Variants in NID1 observed in about 807,000 individuals in gnomAD.
The protein encoded by NID1 is nidogen 1.
NID1 carries 76 observed loss-of-function variants against 130.6 expected under a neutral mutation model. That is an observed-to-expected ratio of 0.58 (90% CI 0.48 to 0.70). The LOEUF is 0.70. Among genes scored for constraint, NID1 ranks in the 30% least tolerant of loss-of-function variants. The pLI is 0.00. For synonymous variants in NID1, 665 were observed against 675.1 expected (o/e 0.98, Z 0.23); for missense variants, 1,517 against 1,664.8 (o/e 0.91, Z 1.54).
rs774164522 is a variant in NID1 at position 236,013,459 on chromosome 1, T to A, written c.2356A>T (p.Thr786Ser). ...GAAAAGCCTGGCAAGCAGGAACAGG[T>A]GTAGGAGGAGCCTCCTGTGTAGATA... ...QCIYTGGSSY[T>S]CSCLPGFSGD... Residue 786 changes from threonine (T) to serine (S), a missense_variant, in exon 11 of 20, where the codon ACC (threonine) becomes TCC (serine). By Grantham distance (58) the Thr-to-Ser change is moderately conservative. Around this residue, in one of 3 missense-constraint regions of NID1, gnomAD observed 1,329 missense variants for 1,429.2 expected, o/e 0.93. Transcript: ENST00000264187. The A allele has an allele frequency of 3.1e-6, 5 of 1,613,862 alleles. No individual in the cohort carries two copies. Among genetic ancestry groups the A allele is most frequent in the Non-Finnish European group, 3.4e-6 (4 of 1,179,994 alleles).
At chr1:235,981,938 A>T (rs1237074523) in intron 15 of NID1, among the ~76,000 whole-genome samples, 156 bp from the exon 16 acceptor site, 1 of 152,226 alleles carries the variant, frequency 6.6e-6, no homozygotes, top group African/African-American at 2.4e-5. Flanking sequence ...TATAAGATAA[A>T]CAACACTCAA....
In NID1 at chr1:235,984,843, C is replaced by T. The variant is rs530898109; in HGVS notation, c.3055+536G>A. Among the ~76,000 whole-genome samples the T allele has an allele frequency of 3.3e-5, 5 of 152,256 alleles. No individual in the cohort carries two copies. The South Asian group carries it at 1.0e-3, about 32-fold the overall frequency. On this transcript the variant is annotated intron_variant, in intron 15 of 19. Transcript: ENST00000264187. ...GCACAGAGTCATTGGTTGAAATTGG[C>T]ATCCTTAATGAGGAATTTCCTCAAT...
intron 4 of NID1, among the ~76,000 whole-genome samples, chr1:236,038,971 A>G (rs1305180939): frequency 1.2e-5 from 1 of 80,022 alleles, no homozygotes; most frequent in African/African-American, 5.9e-5. Context: ...GTGTAACTAT[A>G]TATGTAAATA....
rs551698080 is a variant in NID1 at position 236,033,468 on chromosome 1, T to C, written c.1286-816A>G. Among the ~76,000 whole-genome samples, 7 of 152,312 alleles carry C rather than the reference T, an allele frequency of 4.6e-5. No individual in the cohort carries two copies. The East Asian group carries it at 1.2e-3, about 25-fold the overall frequency. On this transcript the variant is annotated intron_variant, in intron 5 of 19. Transcript: ENST00000264187. Reference sequence around the variant, plus strand: ...CATATACAGTCCCACCACCCAGCGTTAGCACTGCCAGTCTGAGTCTTGGAG... The same window carrying C: ...CATATACAGTCCCACCACCCAGCGTCAGCACTGCCAGTCTGAGTCTTGGAG...
At chr1:235,978,951 C>T (rs1372130560) in intron 19 of NID1, 44 bp downstream of exon 19, 4 of 1,356,042 alleles carry the variant, frequency 2.9e-6, no homozygotes, top group Non-Finnish European at 4.2e-6. Context: ...TCTGAGCCTC[C>T]ATGTGCCCCC....
At position 235,993,885 on chromosome 1, in the gene NID1, C is replaced by G; in HGVS notation, c.2528-13G>C. 1 of 1,601,268 alleles carries G rather than the reference C, an allele frequency of 6.2e-7. No homozygotes were observed. Among genetic ancestry groups the G allele is most frequent in the Non-Finnish European group, 8.5e-7 (1 of 1,169,674 alleles). The stretch of plus-strand genomic sequence containing the variant: ...GTTTTCTCCACCTCTATCAGAGAAA[C>G]AGGCAACAAGAAAGCTGTCAGGTGC... On this transcript the variant is annotated splice_polypyrimidine_tract_variant and intron_variant, in intron 12 of 19. Coordinates refer to ENST00000264187, the MANE Select transcript of NID1 (RefSeq NM_002508.3).
chr1:236,009,622 G>A (rs1161508320), intron 12 of NID1, among the ~76,000 whole-genome samples: 5 of 152,180 alleles, frequency 3.3e-5, no homozygotes, highest in Non-Finnish European at 7.3e-5. Context: ...ATGGGGCCAT[G>A]CTATACATAT....
chr1:236,028,687 CATAT>C (rs59523526), intron 7 of NID1, among the ~76,000 whole-genome samples: 9 of 146,928 alleles, frequency 6.1e-5, no homozygotes, highest in African/African-American at 1.5e-4. Context: ...GGTCAGTATA[CATAT>C]ATATATATAT....
intron 7 of NID1, among the ~76,000 whole-genome samples, chr1:236,026,739 A>T (rs1160475100): frequency 1.0e-3 from 140 of 137,214 alleles, no homozygotes; most frequent in African/African-American, 2.6e-3. Context: ...TTTCTTTTTC[A>T]TTTTTTTTTT....
At chr1:236,051,709 C>G (rs949432556) in intron 1 of NID1, among the ~76,000 whole-genome samples, 2 of 152,162 alleles carry the variant, frequency 1.3e-5, no homozygotes, top group Admixed American at 6.5e-5. Flanking sequence ...CGTGTGGGAG[C>G]GTGGGAAACG....
At chr1:236,049,043 T>TCTTACTGAGA in intron 1 of NID1, 54 bp from the exon 2 acceptor site, 2 of 1,564,404 alleles carry the variant, frequency 1.3e-6, no homozygotes, top group Non-Finnish European at 1.7e-6. Flanking sequence ...CCTTTCTCAG[T>TCTTACTGAGA]AAGACTGAGC....
intron 12 of NID1, among the ~76,000 whole-genome samples, chr1:236,011,072 C>T (rs1658395361): frequency 6.6e-6 from 1 of 152,024 alleles, no homozygotes; most frequent in Non-Finnish European, 1.5e-5. Flanking sequence ...AATGAGCTCA[C>T]AGGTCCTCAA....
chr1:236,004,761 C>CA (rs61480988), intron 12 of NID1, among the ~76,000 whole-genome samples: 2,550 of 67,208 alleles, frequency 0.038, 247 homozygotes, highest in African/African-American at 0.14. Context: ...GACTCTGTCT[C>CA]AAAAAAAAAA....
rs12033479 is a variant in NID1 at position 236,045,558 on chromosome 1, G to A, written c.651C>T (p.Ala217=). The change falls in exon 3 of 20, where the codon GCC becomes GCT. Residue 217 remains alanine, a synonymous_variant. Transcript: ENST00000264187. ...FSKKENNQVP[A]VVAFSQGSVG... ...CTGAACCTTGACTGAATGCAACCAC[G>A]GCAGGAACTTGGTTGTTTTCCTTCT... 5.0e-4 allele frequency: 803 copies of A among 1,614,088 alleles called. No individual in the cohort carries two copies. Among genetic ancestry groups the A allele is most frequent in the Non-Finnish European group, 6.5e-4 (764 of 1,180,006 alleles).
At chr1:236,025,382 C>G (rs975595202) in intron 8 of NID1, among the ~76,000 whole-genome samples, 1 of 151,692 alleles carries the variant, frequency 6.6e-6, no homozygotes, top group South Asian at 2.1e-4. Context: ...CTGCCTCAGC[C>G]TCCCAAGTAG....
At chr1:236,059,977 G>A (rs569465793) in intron 1 of NID1, among the ~76,000 whole-genome samples, 20 of 152,038 alleles carry the variant, frequency 1.3e-4, no homozygotes, top group African/African-American at 4.8e-4. Flanking sequence ...GCATGTGCCT[G>A]TAGTCCCAGC....
intron 1 of NID1, among the ~76,000 whole-genome samples, chr1:236,062,638 A>G (rs1454410230): frequency 2.2e-5 from 2 of 90,138 alleles, no homozygotes; most frequent in African/African-American, 6.7e-5. Flanking sequence ...TGTCTCAAAA[A>G]AAAAAAAAAA....
rs1171041894 is a variant in NID1, at chr1:236,024,642, A to G, written c.1985-429T>C. Among the ~76,000 whole-genome samples the G allele has an allele frequency of 2.0e-5, 3 of 152,250 alleles. No homozygotes were observed. In the East Asian group the frequency reaches 5.8e-4, roughly 29 times the overall value. On this transcript the variant is annotated intron_variant, in intron 8 of 19. Transcript: ENST00000264187. ...TGCTTCATAAAGTTAAAGTGAGGAC[A>G]AATTAATTAGCTAGAGCAATGATTT...
chr1:236,034,987 T>TTC (rs1491011714), intron 5 of NID1, among the ~76,000 whole-genome samples: 1 of 114,982 alleles, frequency 8.7e-6, no homozygotes, highest in African/African-American at 5.2e-5. Context: ...TTTTTTTCTT[T>TTC]CTTTCTTTCT....
Sources: gnomAD v4.1 joint callset for allele counts (sites outside exome capture counted in the v4.1 genomes callset) on GRCh38, gnomAD v4.1.1 for gene constraint, gnomAD v4.1.1 regional missense constraint, MANE v1.5 for transcripts, NCBI Gene and HGNC (gene_info 2026-07-23, HGNC 2026-07-21) for gene names.